The following PTPRD variants were observed in gnomAD, a reference collection of about 807,000 sequenced individuals.
PTPRD encodes protein tyrosine phosphatase receptor type D, also known as receptor-type tyrosine-protein phosphatase delta.
PTPRD carries 34 observed loss-of-function variants against 214.5 expected under a neutral mutation model. That is an observed-to-expected ratio of 0.16 (90% CI 0.12 to 0.21). PTPRD has a LOEUF of 0.21. Ranked by LOEUF, PTPRD falls within the 10% of genes least tolerant of loss-of-function variation. The probability of loss-of-function intolerance (pLI) is 1.00; values close to 1 mark genes in which losing one functional copy is unlikely to be tolerated. For synonymous variants in PTPRD, 1,128 were observed against 845.7 expected, an observed-to-expected ratio of 1.33 and a Z score of -5.79; for missense variants, 2,545 against 2,398.7, an observed-to-expected ratio of 1.06 and a Z score of -1.27.
intron 21 of PTPRD, 29 bp downstream of exon 21, chr9:8,517,819 G>C (rs963375284): frequency 6.3e-7 from 1 of 1,576,992 alleles, no homozygotes; most frequent in African/African-American, 1.3e-5. Context: ...CTTCCCTCCT[G>C]CCCTATTTCC....
intron 11 of PTPRD, among the ~76,000 whole-genome samples, chr9:8,768,528 G>C (rs1432237722): frequency 6.6e-6 from 1 of 152,076 alleles, no homozygotes; most frequent in Non-Finnish European, 1.5e-5. Flanking sequence ...ACTTCAGCCT[G>C]GGTGACAGAG....
rs1159776123 is a variant in PTPRD at position 10,264,364 on chromosome 9, C to G, written c.-545+76599G>C. 3.3e-5 allele frequency among the ~76,000 whole-genome samples: 5 copies of G among 152,184 alleles called. No individual in the cohort carries two copies. In the South Asian group the frequency reaches 6.2e-4, roughly 19 times the overall value. ...AGGCAGCCAGGAGAGGGGCTGTACC[C>G]TGCACAGCCACAGGGTTGGAGCTGC... On this transcript the variant is annotated intron_variant, in intron 3 of 45. Transcript: ENST00000381196.
chr9:8,601,966 G>A (rs2094893175), intron 14 of PTPRD, among the ~76,000 whole-genome samples: 1 of 152,094 alleles, frequency 6.6e-6, no homozygotes, highest in African/African-American at 2.4e-5. Flanking sequence ...TATAGGTAGT[G>A]ACAATGGTGA....
intron 3 of PTPRD, among the ~76,000 whole-genome samples, chr9:10,196,354 A>G (rs115796318): frequency 0.013 from 1,942 of 152,226 alleles, 9 homozygotes; most frequent in Non-Finnish European, 0.016. Context: ...AAATTTGTCA[A>G]TATATGTAAA....
intron 22 of PTPRD, among the ~76,000 whole-genome samples, chr9:8,504,935 G>C (rs2097509383): frequency 6.6e-6 from 1 of 152,164 alleles, no homozygotes; most frequent in South Asian, 2.1e-4. Context: ...AAAGAGATTT[G>C]AAATTGCCAA....
intron 5 of PTPRD, among the ~76,000 whole-genome samples, chr9:9,850,322 A>G (rs1256732652): frequency 6.6e-6 from 1 of 152,132 alleles, no homozygotes; most frequent in Non-Finnish European, 1.5e-5. Flanking sequence ...GGCTCATCAT[A>G]TAGTAAAGAA....
intron 3 of PTPRD, among the ~76,000 whole-genome samples, chr9:10,173,979 A>C (rs1593158552): frequency 6.6e-6 from 1 of 152,194 alleles, no homozygotes; most frequent in East Asian, 1.9e-4. Context: ...GTGCAGAAAT[A>C]AATGCCAGCC....
At chr9:8,937,664 G>T (rs747145738) in intron 11 of PTPRD, among the ~76,000 whole-genome samples, 2 of 152,098 alleles carry the variant, frequency 1.3e-5, no homozygotes, top group Non-Finnish European at 2.9e-5. Context: ...CATCATTCAA[G>T]ATTCAAAGTG....
chr9:9,689,681 C>T (rs952395012), intron 7 of PTPRD, among the ~76,000 whole-genome samples: 1 of 151,878 alleles, frequency 6.6e-6, no homozygotes, highest in African/African-American at 2.4e-5. Context: ...CAGCAATATA[C>T]TCTCTAGCTT....
At chr9:10,363,995 T>TTGTTTTTG in intron 2 of PTPRD, among the ~76,000 whole-genome samples, 1 of 58,806 alleles carries the variant, frequency 1.7e-5, no homozygotes, top group Admixed American at 1.8e-4. Context: ...TTTCGGGTTT[T>TTGTTTTTG]TTTTTTTTTT....
chr9:10,426,864 G>A (rs368676423), intron 2 of PTPRD, among the ~76,000 whole-genome samples: 1 of 151,974 alleles, frequency 6.6e-6, no homozygotes, highest in African/African-American at 2.4e-5. Flanking sequence ...GGTTGGCAAA[G>A]GACGTCTGTC....
intron 10 of PTPRD, among the ~76,000 whole-genome samples, chr9:9,054,242 T>C (rs2099692135): frequency 6.6e-6 from 1 of 152,134 alleles, no homozygotes. Context: ...TAAATCACAT[T>C]CTCATCACCA....
intron 3 of PTPRD, among the ~76,000 whole-genome samples, chr9:10,125,604 G>A (rs1317743394): frequency 1.0e-4 from 15 of 148,658 alleles, no homozygotes; most frequent in East Asian, 3.9e-4. Context: ...ACAGGCGTGC[G>A]CTACCACGCT....
chr9:9,542,751 C>A (rs1265432330), intron 8 of PTPRD, among the ~76,000 whole-genome samples: 1 of 151,580 alleles, frequency 6.6e-6, no homozygotes, highest in Admixed American at 6.6e-5. Context: ...CAAATTAAAC[C>A]ACAATGAGAT....
chr9:9,486,924 T>C (rs948740506), intron 8 of PTPRD, among the ~76,000 whole-genome samples: 9 of 152,206 alleles, frequency 5.9e-5, no homozygotes, highest in Non-Finnish European at 2.9e-5. Context: ...CCCGCTCTTA[T>C]CACCGTGCCT....
intron 9 of PTPRD, among the ~76,000 whole-genome samples, chr9:9,232,054 C>T (rs1308289075): frequency 6.6e-6 from 1 of 152,142 alleles, no homozygotes; most frequent in African/African-American, 2.4e-5. Flanking sequence ...ATGGTACTAT[C>T]CCTACAGTGT....
chr9:9,414,310 T>C (rs562324144), intron 8 of PTPRD, among the ~76,000 whole-genome samples: 1 of 152,330 alleles, frequency 6.6e-6, no homozygotes, highest in South Asian at 2.1e-4. Context: ...AGGTTCTTTC[T>C]TTTCCTTCAT....
At chr9:8,600,678 C>G (rs946460405) in intron 14 of PTPRD, among the ~76,000 whole-genome samples, 6 of 151,752 alleles carry the variant, frequency 4.0e-5, no homozygotes, top group African/African-American at 1.2e-4. Flanking sequence ...AACCTGCTGC[C>G]TTGTAGCAAA....
At chr9:9,377,756 CA>C (rs1222829222) in intron 9 of PTPRD, among the ~76,000 whole-genome samples, 1 of 151,922 alleles carries the variant, frequency 6.6e-6, no homozygotes, top group African/African-American at 2.4e-5. Flanking sequence ...GGTGGGGGCT[CA>C]GGGGGTGGTA....
Sources: allele counts gnomAD v4.1 joint callset (sites outside exome capture counted in the v4.1 genomes callset), GRCh38; gene constraint gnomAD v4.1.1; transcripts MANE v1.5; gene names NCBI Gene and HGNC (gene_info 2026-07-23, HGNC 2026-07-21).